Variants in LUZP4 observed in about 807,000 individuals in gnomAD.
LUZP4 encodes leucine zipper protein 4.
Under a neutral mutation model 8.5 loss-of-function variants are expected in LUZP4, and 11 were observed. That is an observed-to-expected ratio of 1.30 (90% CI 0.82 to 2.14). The LOEUF is 2.14. LUZP4 is among the 30% of genes most tolerant of loss of function. The pLI is 0.00. For missense variants in LUZP4, 276 were observed against 229.7 expected (o/e 1.20, Z -1.30); for synonymous variants, 104 against 79.4 (o/e 1.31, Z -1.65).
intron 1 of LUZP4, among the ~76,000 whole-genome samples, chrX:115,290,064 C>T (rs1428676557): frequency 9.0e-6 from 1 of 110,993 alleles, no homozygotes; most frequent in Non-Finnish European, 1.9e-5. Flanking sequence ...CTCCTCACCT[C>T]CAGCCCTCTC....
chrX:115,301,868 T>G (rs918326008), intron 1 of LUZP4, 124 bp from the exon 2 acceptor site: 4 of 350,826 alleles, frequency 1.1e-5, no homozygotes, highest in Admixed American at 5.7e-5. Flanking sequence ...ATTATTATTA[T>G]CATTTTTAGG....
Position 115,289,850 on chromosome X carries a change from G to A in LUZP4, c.91G>A (p.Asp31Asn). Reference sequence around the variant, plus strand: ...GGTTAACTTCCTAGATATGTCTCTAGGTATGTAGATCTCGGATCCCAGTCT... The same window carrying A: ...GGTTAACTTCCTAGATATGTCTCTAAGTATGTAGATCTCGGATCCCAGTCT... Reference protein sequence around the residue: ...KKVNFLDMSLDDIIIYKELEG... With the variant: ...KKVNFLDMSLNDIIIYKELEG... The change falls in exon 1 of 4, where the codon GAC (aspartate) becomes AAC (asparagine). Residue 31 changes from aspartate to asparagine, a missense_variant and splice_region_variant. By Grantham distance (23) the Asp-to-Asn change is conservative. Coordinates refer to ENST00000371920, the MANE Select transcript of LUZP4 (RefSeq NM_016383.5). 8.5e-7 allele frequency: 1 copy of A among 1,182,719 alleles called. No individual in the cohort carries two copies. The highest frequency in any genetic ancestry group is 1.1e-6 in the Non-Finnish European group (1 of 870,824).
rs1179562399 is a variant in LUZP4, at chrX:115,302,074, A to C, written c.174A>C (p.Glu58Asp). 8.4e-7 allele frequency: 1 copy of C among 1,197,517 alleles called. No individual in the cohort carries two copies. Among genetic ancestry groups the C allele is most frequent in the Non-Finnish European group, 1.1e-6 (1 of 888,686 alleles). Residue 58 changes from glutamate to aspartate, a missense_variant, in exon 2 of 4, where the codon GAA becomes GAC. Glu to Asp is a conservative substitution (Grantham distance 45, BLOSUM62 2). Coordinates refer to ENST00000371920, the MANE Select transcript of LUZP4 (RefSeq NM_016383.5). ...AAAGACAGAACCATAGTAAAAAGGAATCGCCTTCAAGACAGCAATCAAAAG... is the reference window on the plus strand; with the variant it reads ...AAAGACAGAACCATAGTAAAAAGGACTCGCCTTCAAGACAGCAATCAAAAG... Reference protein sequence around the residue: ...KNKRQNHSKKESPSRQQSKAH... With the variant: ...KNKRQNHSKKDSPSRQQSKAH...
At chrX:115,300,925 T>G (rs1556601291) in intron 1 of LUZP4, among the ~76,000 whole-genome samples, 1 of 111,339 alleles carries the variant, frequency 9.0e-6, no homozygotes, top group Admixed American at 9.6e-5. Context: ...AAGGTGTTTT[T>G]TTCTGTGTAG....
At chrX:115,290,458 G>A (rs188708844) in intron 1 of LUZP4, among the ~76,000 whole-genome samples, 2 of 111,180 alleles carry the variant, frequency 1.8e-5, no homozygotes, top group African/African-American at 3.3e-5. Context: ...CTTTGCTGGC[G>A]CTCTCTAGTC....
At position 115,289,773 on chromosome X, in the gene LUZP4, G is replaced by A. The variant is rs199594297; in HGVS notation, c.14G>A (p.Arg5Gln). 3 of 1,206,464 alleles carry A rather than the reference G, an allele frequency of 2.5e-6. No individual in the cohort carries two copies. Among genetic ancestry groups the A allele is most frequent in the East Asian group, 3.0e-5 (1 of 33,643 alleles). Residue 5 changes from arginine to glutamine, a missense_variant, in exon 1 of 4, where the codon CGG becomes CAG. Physicochemically the swap from Arg to Gln is conservative, Grantham distance 43 (BLOSUM62 1). Transcript: ENST00000371920. ...GATGCAGGGAAGATGGCTTCGTTTC[G>A]GAAGCTAACGCTTTCTGAAAAAGTG... MASFRKLTLSEKVPP... is the reference protein window; with the variant it reads MASFQKLTLSEKVPP...
chrX:115,305,539 T>TA (rs2073416372), intron 3 of LUZP4, among the ~76,000 whole-genome samples: 1 of 111,897 alleles, frequency 8.9e-6, no homozygotes, highest in African/African-American at 3.2e-5. Context: ...TTTATCCACT[T>TA]ACATTTATGT....
intron 2 of LUZP4, among the ~76,000 whole-genome samples, chrX:115,302,586 A>AT (rs1556602033): frequency 8.8e-6 from 1 of 113,052 alleles, no homozygotes; most frequent in African/African-American, 3.2e-5. Context: ...TGCAGTATGC[A>AT]TTTTTTAATA....
intron 3 of LUZP4, among the ~76,000 whole-genome samples, chrX:115,304,912 C>T (rs1428190826): frequency 7.2e-5 from 8 of 111,691 alleles, no homozygotes; most frequent in Non-Finnish European, 1.5e-4. Flanking sequence ...AAGCTAGTTT[C>T]GTACTTAACA....
At position 115,306,830 on chromosome X, in the gene LUZP4, G is replaced by A. The variant is rs1556604617; in HGVS notation, c.*26G>A. 1 of 1,168,302 alleles carries A rather than the reference G, an allele frequency of 8.6e-7. No homozygotes were observed. The highest frequency in any genetic ancestry group is 2.2e-5 in the Admixed American group (1 of 45,118). ...TCATCAGAACAATGTGTTGAATTCTGTGGAAATAGAAAAGCATATATCTAT... is the reference window on the plus strand; with the variant it reads ...TCATCAGAACAATGTGTTGAATTCTATGGAAATAGAAAAGCATATATCTAT... On this transcript the variant is annotated 3_prime_UTR_variant, in exon 4 of 4. Transcript: ENST00000371920.
rs112815587 is a variant in LUZP4, at chrX:115,300,406, G to GA, written c.92-1580dup. ...AGCTGATGAGCTAAAAAAAATTGCAGAAAAAATCTCATAATGTTTTAAGAA... is the reference window on the plus strand; with the variant it reads ...AGCTGATGAGCTAAAAAAAATTGCAGAAAAAAATCTCATAATGTTTTAAGAA... On this transcript the variant is annotated intron_variant, in intron 1 of 3. Coordinates refer to ENST00000371920, the MANE Select transcript of LUZP4 (RefSeq NM_016383.5). 6.0e-3 allele frequency among the ~76,000 whole-genome samples: 671 copies of GA among 112,535 alleles called. 5 individuals are homozygous for GA. The highest frequency in any genetic ancestry group is 0.02 in the African/African-American group (626 of 31,038).
rs1556601747 is a variant in LUZP4 at position 115,302,006 on chromosome X, T to C, written c.106T>C (p.Tyr36His). 2 of 1,151,529 alleles carry C rather than the reference T, an allele frequency of 1.7e-6. No individual in the cohort carries two copies. The highest frequency in any genetic ancestry group is 1.8e-5 in the African/African-American group (1 of 55,263). 94.9% of individuals were successfully genotyped at this position (1,151,529 alleles called of 1,213,427 possible). ...TTCTAATACAGACGACATTATAATC[T>C]ATAAAGAGTTAGAAGGGACAAATGC... ...LDMSLDDIII[Y>H]KELEGTNAEE... is the part of the protein sequence containing the mutation. The change falls in exon 2 of 4, where the codon TAT becomes CAT. Residue 36 changes from tyrosine to histidine, a missense_variant. Coordinates refer to ENST00000371920, the MANE Select transcript of LUZP4 (RefSeq NM_016383.5).
chrX:115,298,187 C>G (rs1170533658), intron 1 of LUZP4, among the ~76,000 whole-genome samples: 1 of 111,279 alleles, frequency 9.0e-6, no homozygotes, highest in African/African-American at 3.3e-5. Context: ...CTGCCTCAGC[C>G]TCCCAAGTAG....
rs180861999 is a variant in LUZP4 at position 115,298,515 on chromosome X, A to G, written c.92-3477A>G. Among the ~76,000 whole-genome samples, 26 of 112,341 alleles carry G rather than the reference A, an allele frequency of 2.3e-4. No homozygotes were observed. The East Asian group carries it at 6.7e-3, about 29-fold the overall frequency. The stretch of plus-strand genomic sequence containing the variant: ...TTTTTCTTTTGTCTCCTCTGATTGT[A>G]TATTTTCAAATAGCCTTTCTTCAAG... On this transcript the variant is annotated intron_variant, in intron 1 of 3. Coordinates refer to ENST00000371920, the MANE Select transcript of LUZP4 (RefSeq NM_016383.5).
At chrX:115,289,922 C>T (rs2073340795) in intron 1 of LUZP4, 72 bp downstream of exon 1, 4 of 776,973 alleles carry the variant, frequency 5.1e-6, no homozygotes, top group South Asian at 2.3e-5. Flanking sequence ...CTCGGCATAG[C>T]GCTTACTAGA....
At chrX:115,304,538 G>A (rs189037634) in intron 3 of LUZP4, among the ~76,000 whole-genome samples, 2 of 111,065 alleles carry the variant, frequency 1.8e-5, no homozygotes, top group South Asian at 3.8e-4. Context: ...TTGAGACAGG[G>A]TCTCATTCTG....
At position 115,306,319 on chromosome X, in the gene LUZP4, C is replaced by G; in HGVS notation, c.457C>G (p.Pro153Ala). 8.3e-7 allele frequency: 1 copy of G among 1,211,276 alleles called. No homozygotes were observed. Among genetic ancestry groups the G allele is most frequent in the Non-Finnish European group, 1.1e-6 (1 of 895,392 alleles). ...CAAATCAGAAGAATCCCAGGGCCAA[C>G]CAGAAGAAAATCATCATTCTGAGCG... ...PDKSEESQGQ[P>A]EENHHSERSR... Residue 153 changes from proline (P) to alanine (A), a missense_variant, in exon 4 of 4, where the codon CCA (proline) becomes GCA (alanine). By Grantham distance (27) the Pro-to-Ala change is conservative. Transcript: ENST00000371920.
rs2073424878 is a variant in LUZP4, at chrX:115,306,711, TGAGA to T, written c.854_857del (p.Arg285IlefsTer3). On this transcript the variant is annotated frameshift_variant, in exon 4 of 4. Coordinates refer to ENST00000371920, the MANE Select transcript of LUZP4 (RefSeq NM_016383.5). LOFTEE classifies it low-confidence loss of function (END_TRUNC). The stretch of plus-strand genomic sequence containing the variant: ...TCACTCAGAGAGATCTCGTGGCCAC[TGAGA>T]GAGATCTCATAAATCAGTCAGGGAG... 2 of 1,210,527 alleles carry T rather than the reference TGAGA, an allele frequency of 1.7e-6. No homozygotes were observed. The highest frequency in any genetic ancestry group is 2.2e-6 in the Non-Finnish European group (2 of 895,168).
Position 115,301,995 on chromosome X carries a change from A to G in LUZP4, c.95A>G (p.Asp32Gly), listed in dbSNP as rs2073399403. 1.8e-6 allele frequency: 2 copies of G among 1,135,374 alleles called. No homozygotes were observed. The highest frequency in any genetic ancestry group is 1.2e-6 in the Non-Finnish European group (1 of 848,799). 93.6% of individuals were successfully genotyped at this position (1,135,374 alleles called of 1,213,427 possible). A position where few individuals can be genotyped will look rare whatever the true frequency, so the allele number is the denominator to read the frequency against. The change falls in exon 2 of 4, where the codon GAC (aspartate) becomes GGC (glycine). Residue 32 changes from aspartate to glycine, a missense_variant. Asp to Gly is a moderately conservative substitution (Grantham distance 94). Coordinates refer to ENST00000371920, the MANE Select transcript of LUZP4 (RefSeq NM_016383.5). ...TTTTATGTATTTTCTAATACAGACG[A>G]CATTATAATCTATAAAGAGTTAGAA... ...KVNFLDMSLD[D>G]IIIYKELEGT...
Sources: gnomAD v4.1 joint callset for allele counts (sites outside exome capture counted in the v4.1 genomes callset) on GRCh38, gnomAD v4.1.1 for gene constraint, MANE v1.5 for transcripts, NCBI Gene and HGNC (gene_info 2026-07-23, HGNC 2026-07-21) for gene names.